GPR21: variants seen among roughly 807,000 people sequenced by gnomAD.
GPR21 encodes probable G protein-coupled receptor 21.
In GPR21, 9 loss-of-function variants were observed where a neutral mutation model predicts 21.5. The observed-to-expected ratio is 0.42, with a 90% CI of 0.25 to 0.73. The LOEUF is 0.73. GPR21 is among the 30% of genes least tolerant of loss of function. The pLI is 0.27. For synonymous variants in GPR21, 169 were observed against 159.3 expected (o/e 1.06, Z -0.46); for missense variants, 416 against 428.9 (o/e 0.97, Z 0.27).
chr9:123,036,816 C>CTT (rs35388646), downstream of GPR21, among the ~76,000 whole-genome samples: 38 of 142,208 alleles, frequency 2.7e-4, no homozygotes, highest in Non-Finnish European at 5.4e-4. Context: ...TCTTAATGGT[C>CTT]TTTTTTTTTT....
At chr9:123,048,897 C>T in the GPR21 span, among the ~76,000 whole-genome samples, 1 of 152,172 alleles carries the variant, frequency 6.6e-6, no homozygotes, top group Non-Finnish European at 1.5e-5. Context: ...CTTATTTATA[C>T]ATGATTTGGG....
chr9:123,035,162 T>G lies in GPR21; in HGVS notation c.596T>G (p.Leu199Ter), dbSNP rs765337731. 1.2e-6 allele frequency: 2 copies of G among 1,614,058 alleles called. No homozygotes were observed. Among genetic ancestry groups the G allele is most frequent in the South Asian group, 2.2e-5 (2 of 91,078 alleles). The change falls in exon 2 of 2, where the codon TTA (leucine) becomes TGA (stop). Residue 199 changes from leucine to a stop codon, truncating the protein, a stop_gained. Coordinates refer to ENST00000616002, the MANE Select transcript of GPR21 (RefSeq NM_005294.3). LOFTEE classifies it high-confidence loss of function. ...TTCACCCTGTTCATCGTGATGATGT[T>G]ATATGCCCCAGCAGCCCTTATTGTC... ...SYFTLFIVMM[L>*]YAPAALIVCF...
the GPR21 span, among the ~76,000 whole-genome samples, chr9:123,044,626 C>CGTGTGTGTGT: frequency 3.7e-4 from 55 of 149,084 alleles, 1 homozygote; most frequent in African/African-American, 1.3e-3. Flanking sequence ...AACACACGTA[C>CGTGTGTGTGT]GTGTGTGTGT....
chr9:123,048,269 C>T, the GPR21 span, among the ~76,000 whole-genome samples: 2 of 152,138 alleles, frequency 1.3e-5, no homozygotes, highest in African/African-American at 4.8e-5. Flanking sequence ...ACTCAATAGA[C>T]ACATTTAAAT....
chr9:123,044,798 G>C, the GPR21 span, among the ~76,000 whole-genome samples: 1 of 152,176 alleles, frequency 6.6e-6, no homozygotes, highest in Non-Finnish European at 1.5e-5. Context: ...AGAAGGCAGT[G>C]TGAGAGATGG....
At position 123,034,832 on chromosome 9, in the gene GPR21, T is replaced by C. The variant is rs1221735330; in HGVS notation, c.266T>C (p.Leu89Pro). ...GVSCVVPSLS[L>P]LHHPLPVEES... ...AGCTGCGTGGTCCCTTCTTTATCACTCCTCCATCACCCCCTTCCAGTAGAG... is the reference window on the plus strand; with the variant it reads ...AGCTGCGTGGTCCCTTCTTTATCACCCCTCCATCACCCCCTTCCAGTAGAG... The change falls in exon 2 of 2, where the codon CTC (leucine) becomes CCC (proline). Residue 89 changes from leucine (L) to proline (P), a missense_variant. Physicochemically the swap from Leu to Pro is moderately conservative, Grantham distance 98 (BLOSUM62 -3). Transcript: ENST00000616002. The C allele has an allele frequency of 6.2e-7, 1 of 1,614,062 alleles. No homozygotes were observed. The highest frequency in any genetic ancestry group is 2.2e-5 in the East Asian group (1 of 44,878).
chr9:123,040,424 T>C (rs2032896955), downstream of GPR21, among the ~76,000 whole-genome samples: 1 of 152,214 alleles, frequency 6.6e-6, no homozygotes, highest in African/African-American at 2.4e-5. Flanking sequence ...GGTTCTGTAA[T>C]GTGAACATTA....
chr9:123,033,953 T>C (rs1310762008), intron 1 of GPR21, among the ~76,000 whole-genome samples: 2 of 152,092 alleles, frequency 1.3e-5, no homozygotes, highest in African/African-American at 2.4e-5. Context: ...AATCTGACTG[T>C]GATTGGTTTT....
the GPR21 span, among the ~76,000 whole-genome samples, chr9:123,044,726 A>T: frequency 6.6e-6 from 1 of 151,986 alleles, no homozygotes; most frequent in East Asian, 1.9e-4. Flanking sequence ...AAATGATGAG[A>T]GGAATGCAAA....
At chr9:123,037,925 C>T (rs962029772), downstream of GPR21, among the ~76,000 whole-genome samples, 1 of 152,094 alleles carries the variant, frequency 6.6e-6, no homozygotes, top group Admixed American at 6.6e-5. Context: ...TTTTTAGATT[C>T]AGTTACCATG....
intron 1 of GPR21, 94 bp downstream of exon 1, chr9:123,033,836 A>G (rs1326296083): frequency 6.6e-6 from 1 of 152,242 alleles, no homozygotes; most frequent in Non-Finnish European, 1.5e-5. Flanking sequence ...AAAGTAAATT[A>G]TCTTGGCTAA....
At chr9:123,040,804 G>A in the GPR21 span, among the ~76,000 whole-genome samples, 5 of 152,110 alleles carry the variant, frequency 3.3e-5, no homozygotes, top group Admixed American at 6.5e-5. Context: ...CAGATAATTA[G>A]GGATGTGATA....
intron 1 of GPR21, 117 bp downstream of exon 1, chr9:123,033,859 T>C (rs1431782570): frequency 1.3e-5 from 2 of 152,270 alleles, no homozygotes; most frequent in Non-Finnish European, 2.9e-5. Context: ...TTATTAGTGG[T>C]AATTGTAGTG....
At chr9:123,042,364 A>G in the GPR21 span, among the ~76,000 whole-genome samples, 1 of 152,222 alleles carries the variant, frequency 6.6e-6, no homozygotes, top group African/African-American at 2.4e-5. Flanking sequence ...CTTTTGAGAA[A>G]AAGTTCTCAC....
At chr9:123,048,338 T>G in the GPR21 span, among the ~76,000 whole-genome samples, 1 of 152,210 alleles carries the variant, frequency 6.6e-6, no homozygotes, top group South Asian at 2.1e-4. Context: ...AACTGAGTAT[T>G]TGTTAGCATT....
At chr9:123,037,056 A>G (rs2032702408), downstream of GPR21, among the ~76,000 whole-genome samples, 1 of 152,176 alleles carries the variant, frequency 6.6e-6, no homozygotes, top group Non-Finnish European at 1.5e-5. Flanking sequence ...GAAGTCTTCA[A>G]GGGACTTACT....
downstream of GPR21, among the ~76,000 whole-genome samples, chr9:123,039,873 A>C (rs543610474): frequency 6.6e-6 from 1 of 151,034 alleles, no homozygotes; most frequent in Non-Finnish European, 1.5e-5. Context: ...AGCCTTTCCC[A>C]GTTTTCTAGC....
In GPR21 at chr9:123,034,638, T is replaced by G; in HGVS notation, c.72T>G (p.Thr24=). ...FCLLAFGYLE[T]VNFCLLEVLI... is the part of the protein sequence containing the mutation. ...TCTTGGCATTTGGCTATTTGGAAAC[T>G]GTCAATTTTTGCCTTTTGGAAGTAT... The change falls in exon 2 of 2, where the codon ACT becomes ACG. Residue 24 remains threonine (T), a synonymous_variant. Transcript: ENST00000616002. 1 of 1,613,722 alleles carries G rather than the reference T, an allele frequency of 6.2e-7. No individual in the cohort carries two copies.
At chr9:123,043,724 C>A in the GPR21 span, among the ~76,000 whole-genome samples, 8 of 151,698 alleles carry the variant, frequency 5.3e-5, no homozygotes, top group Non-Finnish European at 1.0e-4. Context: ...AGTGGAAAAA[C>A]CCAGAAAATA....
Sources: gnomAD v4.1 joint callset for allele counts (sites outside exome capture counted in the v4.1 genomes callset) on GRCh38, gnomAD v4.1.1 for gene constraint, MANE v1.5 for transcripts, NCBI Gene and HGNC (gene_info 2026-07-23, HGNC 2026-07-21) for gene names.